The following EMSY variants were observed in gnomAD, a reference collection of about 807,000 sequenced individuals.
The protein encoded by EMSY is EMSY transcriptional repressor, BRCA2 interacting.
In EMSY, 26 loss-of-function variants were observed where a neutral mutation model predicts 134.6. The ratio of observed to expected loss-of-function variants is 0.19; its 90% CI spans 0.14 to 0.27. EMSY has a LOEUF of 0.27. EMSY is among the 10% of genes least tolerant of loss of function. The probability of loss-of-function intolerance (pLI) is 1.00; values close to 1 mark genes in which losing one functional copy is unlikely to be tolerated. For synonymous variants in EMSY, 579 were observed against 577.8 expected (o/e 1.00, Z -0.03); for missense variants, 1,305 against 1,611.4 (o/e 0.81, Z 3.26).
At chr11:76,535,992 T>G in exon 15 of EMSY, 3 of 1,605,110 alleles carry the variant, frequency 1.9e-6, no homozygotes, top group Non-Finnish European at 1.7e-6. Flanking sequence ...TTTATCAGGA[T>G]GTATCCAGTG....
intron 6 of EMSY, 66 bp downstream of exon 7, chr11:76,460,151 G>C: frequency 6.5e-7 from 1 of 1,547,962 alleles, no homozygotes; most frequent in East Asian, 2.3e-5. Context: ...GCTCTGATTA[G>C]ACCTGCCTTC....
chr11:76,468,782 T>C (rs907001186), intron 7 of EMSY, among the ~76,000 whole-genome samples: 3 of 152,164 alleles, frequency 2.0e-5, no homozygotes, highest in African/African-American at 4.8e-5. Context: ...GCAGCACTTA[T>C]ATATCAGAGC....
At chr11:76,480,352 A>G (rs1381748084) in intron 8 of EMSY, among the ~76,000 whole-genome samples, 1 of 152,242 alleles carries the variant, frequency 6.6e-6, no homozygotes, top group Non-Finnish European at 1.5e-5. Flanking sequence ...GTAACAAAAA[A>G]GCATGTATTA....
intron 14 of EMSY, among the ~76,000 whole-genome samples, chr11:76,533,229 G>C (rs1449977283): frequency 6.6e-6 from 1 of 152,118 alleles, no homozygotes; most frequent in Non-Finnish European, 1.5e-5. Context: ...AGCAATAGTT[G>C]GTGGAGACAG....
intron 8 of EMSY, among the ~76,000 whole-genome samples, chr11:76,477,235 C>T (rs1948800221): frequency 7.5e-5 from 11 of 147,246 alleles, no homozygotes. Context: ...AAATTCTTTT[C>T]TCTGTAGTCA....
chr11:76,513,258 A>C (rs942137168), intron 9 of EMSY, 128 bp from the exon 11 acceptor site: 2 of 662,422 alleles, frequency 3.0e-6, no homozygotes, highest in Non-Finnish European at 4.6e-6. Context: ...GAGTTTCATC[A>C]GTATTAAAAA....
At chr11:76,493,526 C>G (rs1344304097) in intron 8 of EMSY, among the ~76,000 whole-genome samples, 2 of 152,150 alleles carry the variant, frequency 1.3e-5, no homozygotes, top group Non-Finnish European at 2.9e-5. Flanking sequence ...CATTGGCCGC[C>G]CATGGACCAA....
intron 8 of EMSY, among the ~76,000 whole-genome samples, chr11:76,486,589 G>C (rs1202789050): frequency 6.6e-6 from 1 of 151,998 alleles, no homozygotes; most frequent in Non-Finnish European, 1.5e-5. Context: ...TAGTGATGAT[G>C]ATCAAAGTAG....
chr11:76,468,443 A>G (rs1948447954), intron 7 of EMSY, among the ~76,000 whole-genome samples: 2 of 152,330 alleles, frequency 1.3e-5, no homozygotes, highest in South Asian at 4.1e-4. Context: ...TGTGTACTCA[A>G]TGCCATTACT....
chr11:76,498,608 A>AT (rs71473314), intron 9 of EMSY, among the ~76,000 whole-genome samples: 31,628 of 151,536 alleles, frequency 0.21, 4,000 homozygotes, highest in Non-Finnish European at 0.29. Context: ...TTAATTCTCT[A>AT]TTTTTTTTAA....
chr11:76,551,467 C>T (rs1160538191), exon 21 of EMSY: 5 of 152,778 alleles, frequency 3.3e-5, no homozygotes, highest in South Asian at 2.1e-4. Flanking sequence ...AATTCATCAA[C>T]GGTCTCCTAA....
At position 76,544,526 on chromosome 11, in the gene EMSY, C is replaced by T; in HGVS notation, c.2977C>T (p.Gln993Ter). The change falls in exon 19 of 21, where the codon CAA becomes TAA. Residue 993 changes from glutamine to a stop codon, truncating the protein, a stop_gained. Coordinates refer to ENST00000334736, the Ensembl canonical transcript of EMSY. LOFTEE classifies it high-confidence loss of function. ...AGACCAGCTCCAGCACAAACTCCCG[C>T]AAATGCCCCAGCTTTCCATCAGGCA... The T allele has an allele frequency of 6.2e-7, 1 of 1,614,154 alleles. No homozygotes were observed.
chr11:76,535,320 C>T (rs1434966173), intron 14 of EMSY, among the ~76,000 whole-genome samples: 1 of 152,110 alleles, frequency 6.6e-6, no homozygotes, highest in Non-Finnish European at 1.5e-5. Flanking sequence ...CCTGTTATAT[C>T]ATGCTGGTTC....
intron 10 of EMSY, among the ~76,000 whole-genome samples, chr11:76,515,546 G>A (rs985175530): frequency 2.0e-5 from 3 of 152,084 alleles, no homozygotes; most frequent in Non-Finnish European, 4.4e-5. Flanking sequence ...AAAATTTTAG[G>A]CTAAAGAGAA....
chr11:76,492,540 A>T (rs565288673), intron 8 of EMSY, among the ~76,000 whole-genome samples: 1 of 152,326 alleles, frequency 6.6e-6, no homozygotes, highest in Admixed American at 6.5e-5. Context: ...ATGCTTTCAC[A>T]TCAGATACTT....
At chr11:76,485,062 C>T (rs1949127184) in intron 8 of EMSY, among the ~76,000 whole-genome samples, 1 of 152,030 alleles carries the variant, frequency 6.6e-6, no homozygotes, top group Non-Finnish European at 1.5e-5. Context: ...AATTAATAGT[C>T]TACCAACAAA....
intron 9 of EMSY, 173 bp downstream of exon 10, chr11:76,496,642 C>T (rs1461367240): frequency 2.6e-6 from 2 of 756,058 alleles, no homozygotes; most frequent in Non-Finnish European, 4.5e-6. Flanking sequence ...TAGATTTGTA[C>T]CTAAGCATTT....
intron 8 of EMSY, among the ~76,000 whole-genome samples, chr11:76,487,323 A>G (rs770687338): frequency 4.6e-5 from 7 of 152,200 alleles, no homozygotes; most frequent in Non-Finnish European, 7.3e-5. Context: ...AAACACAGAA[A>G]CAAAAAACAG....
intron 8 of EMSY, among the ~76,000 whole-genome samples, chr11:76,478,398 C>T (rs2135453608): frequency 7.0e-6 from 1 of 143,880 alleles, no homozygotes; most frequent in East Asian, 2.0e-4. Flanking sequence ...CGCTGGAGTG[C>T]AGTGGTGCGA....
Sources: allele counts gnomAD v4.1 joint callset (sites outside exome capture counted in the v4.1 genomes callset), GRCh38; gene constraint gnomAD v4.1.1; transcripts MANE v1.5; gene names NCBI Gene and HGNC (gene_info 2026-07-23, HGNC 2026-07-21).